The following GALNT16 variants were observed in gnomAD, a reference collection of about 807,000 sequenced individuals.
GALNT16 encodes the protein polypeptide N-acetylgalactosaminyltransferase 16.
Under a neutral mutation model 76.1 loss-of-function variants are expected in GALNT16, and 40 were observed. The ratio of observed to expected loss-of-function variants is 0.53; its 90% CI spans 0.41 to 0.68. The LOEUF (loss-of-function observed/expected upper bound fraction) is 0.68. Ranked by LOEUF, GALNT16 falls within the 30% of genes least tolerant of loss-of-function variation. The probability of loss-of-function intolerance (pLI) is 0.00; values close to 1 mark genes in which losing one functional copy is unlikely to be tolerated. For missense variants in GALNT16, 621 were observed against 731.9 expected (o/e 0.85, Z 1.75); for synonymous variants, 276 against 285.2 (o/e 0.97, Z 0.32).
At chr14:69,337,728 G>C (rs565332280) in intron 9 of GALNT16, among the ~76,000 whole-genome samples, 1 of 152,278 alleles carries the variant, frequency 6.6e-6, no homozygotes, top group African/African-American at 2.4e-5. Context: ...ACATCTGGAC[G>C]TCACTTGGTG....
In GALNT16 at chr14:69,336,299, G is replaced by A. The variant is rs185678253; in HGVS notation, c.968-2352G>A. Among the ~76,000 whole-genome samples, 78 of 152,234 alleles carry A rather than the reference G, an allele frequency of 5.1e-4. No homozygotes were observed. The South Asian group carries it at 0.016, about 32-fold the overall frequency. On this transcript the variant is annotated intron_variant, in intron 9 of 14. Coordinates refer to ENST00000448469, the MANE Select transcript of GALNT16 (RefSeq NM_001168368.2). Reference sequence around the variant, plus strand: ...TAATTTTTGTATTTTTAGTAGAGACGGGGTTTCACCACGTTGGCCAGGATG... The same window carrying A: ...TAATTTTTGTATTTTTAGTAGAGACAGGGTTTCACCACGTTGGCCAGGATG...
At chr14:69,281,316 G>T (rs912310192) in intron 1 of GALNT16, among the ~76,000 whole-genome samples, 3 of 152,112 alleles carry the variant, frequency 2.0e-5, no homozygotes, top group African/African-American at 7.2e-5. Flanking sequence ...ACTCAGAGAG[G>T]GTGTGACAGC....
chr14:69,327,476 G>C (rs933431333), intron 5 of GALNT16, among the ~76,000 whole-genome samples: 3 of 152,360 alleles, frequency 2.0e-5, no homozygotes, highest in Admixed American at 2.0e-4. Flanking sequence ...CAAGCCACTG[G>C]GCTGTAGGTA....
chr14:69,308,108 C>T (rs969234365), intron 1 of GALNT16, among the ~76,000 whole-genome samples: 1 of 152,160 alleles, frequency 6.6e-6, no homozygotes, highest in African/African-American at 2.4e-5. Flanking sequence ...CCGGACGGTA[C>T]CTCGGCCCTC....
intron 2 of GALNT16, 88 bp from the exon 3 acceptor site, chr14:69,324,604 C>T (rs2140169113): frequency 1.5e-6 from 1 of 682,028 alleles, no homozygotes; most frequent in Non-Finnish European, 2.4e-6. Flanking sequence ...CAGAAGTATT[C>T]TCAGGCACAA....
chr14:69,371,503 G>A, the GALNT16 span, among the ~76,000 whole-genome samples: 10 of 151,144 alleles, frequency 6.6e-5, no homozygotes, highest in African/African-American at 1.5e-4. Flanking sequence ...TGATCCACCC[G>A]CCTTGGCCTC....
At chr14:69,369,749 TAA>T in the GALNT16 span, among the ~76,000 whole-genome samples, 1 of 152,304 alleles carries the variant, frequency 6.6e-6, no homozygotes, top group Middle Eastern at 3.4e-3. Context: ...AGGAACAGTC[TAA>T]AGTTAGCATG....
intron 1 of GALNT16, among the ~76,000 whole-genome samples, chr14:69,297,936 CAGTT>C (rs2044791413): frequency 6.6e-6 from 1 of 152,160 alleles, no homozygotes; most frequent in African/African-American, 2.4e-5. Flanking sequence ...ATCCTTGAAA[CAGTT>C]TGTTGGTCGG....
At chr14:69,374,458 A>G in the GALNT16 span, among the ~76,000 whole-genome samples, 50 of 152,240 alleles carry the variant, frequency 3.3e-4, no homozygotes, top group East Asian at 7.7e-4. Flanking sequence ...CCTACTATAT[A>G]CCAGGCATTT....
chr14:69,288,649 T>G (rs1262903965), intron 1 of GALNT16, among the ~76,000 whole-genome samples: 1 of 152,148 alleles, frequency 6.6e-6, no homozygotes, highest in Non-Finnish European at 1.5e-5. Context: ...GAAAATGAGA[T>G]TAATGGGCCC....
the GALNT16 span, among the ~76,000 whole-genome samples, chr14:69,371,034 C>T: frequency 6.6e-6 from 1 of 152,038 alleles, no homozygotes; most frequent in South Asian, 2.1e-4. Context: ...ATCTTTTGGC[C>T]CTTACCAAAG....
chr14:69,324,889 G>A, intron 3 of GALNT16, 99 bp downstream of exon 3: 1 of 698,850 alleles, frequency 1.4e-6, no homozygotes, highest in Non-Finnish European at 2.4e-6. Flanking sequence ...AGCAGGTGCT[G>A]GAGGCTGAGT....
At chr14:69,296,098 C>T (rs2044756000) in intron 1 of GALNT16, among the ~76,000 whole-genome samples, 1 of 152,244 alleles carries the variant, frequency 6.6e-6, no homozygotes, top group African/African-American at 2.4e-5. Flanking sequence ...TCTGGAGAGG[C>T]CTCAGGAAAC....
intron 1 of GALNT16, among the ~76,000 whole-genome samples, chr14:69,274,220 C>T (rs539902696): frequency 4.9e-4 from 75 of 152,038 alleles, no homozygotes; most frequent in Admixed American, 2.6e-4. Context: ...CTGCCTAACT[C>T]GTAGTAAATG....
In GALNT16 at chr14:69,346,775, A is replaced by G. The variant is rs552470714; in HGVS notation, c.1272-265A>G. 1.6e-4 allele frequency among the ~76,000 whole-genome samples: 25 copies of G among 152,142 alleles called. No individual in the cohort carries two copies. In the South Asian group the frequency reaches 2.3e-3, roughly 14 times the overall value. On this transcript the variant is annotated intron_variant, in intron 12 of 14. Coordinates refer to ENST00000448469, the MANE Select transcript of GALNT16 (RefSeq NM_001168368.2). ...TGTTTTTCCAGCCTGAGCTCCGCCC[A>G]TGGCTCCCCCATCCTCTATGTCTCA...
At chr14:69,283,445 G>T (rs1303314836) in intron 1 of GALNT16, among the ~76,000 whole-genome samples, 2 of 152,184 alleles carry the variant, frequency 1.3e-5, no homozygotes, top group Non-Finnish European at 2.9e-5. Context: ...TGTTGTGGTT[G>T]CTAGGATAAT....
At chr14:69,312,757 G>A (rs775329166) in intron 1 of GALNT16, among the ~76,000 whole-genome samples, 5 of 152,232 alleles carry the variant, frequency 3.3e-5, no homozygotes, top group Non-Finnish European at 5.9e-5. Flanking sequence ...TGAGCCACGA[G>A]CTGATGCCCT....
chr14:69,354,643 C>T (rs2045678422), downstream of GALNT16: 1 of 152,458 alleles, frequency 6.6e-6, no homozygotes, highest in African/African-American at 2.4e-5. Flanking sequence ...TGTGGTGCCC[C>T]AGGAACTCCT....
intron 1 of GALNT16, among the ~76,000 whole-genome samples, chr14:69,279,641 C>CGT (rs2044514797): frequency 6.6e-6 from 1 of 152,224 alleles, no homozygotes; most frequent in Non-Finnish European, 1.5e-5. Flanking sequence ...CTGTGGGGGC[C>CGT]GTGTCAGGGC....
Sources: gnomAD v4.1 joint callset for allele counts (sites outside exome capture counted in the v4.1 genomes callset) on GRCh38, gnomAD v4.1.1 for gene constraint, MANE v1.5 for transcripts, NCBI Gene and HGNC (gene_info 2026-07-23, HGNC 2026-07-21) for gene names.